SPOCK1: variants seen among roughly 807,000 people sequenced by gnomAD.
SPOCK1 encodes SPARC (osteonectin), cwcv and kazal like domains proteoglycan 1.
SPOCK1 carries 23 observed loss-of-function variants against 55.3 expected under a neutral mutation model. That is an observed-to-expected ratio of 0.42 (90% CI 0.30 to 0.59). SPOCK1 has a LOEUF of 0.59. Ranked by LOEUF, SPOCK1 falls within the 20% of genes least tolerant of loss-of-function variation. SPOCK1 has a pLI of 0.22. For synonymous variants in SPOCK1, 226 were observed against 221.0 expected (o/e 1.02, Z -0.20); for missense variants, 499 against 552.5 (o/e 0.90, Z 0.97).
intron 4 of SPOCK1, 123 bp downstream of exon 4, chr5:137,140,457 C>A (rs981972241): frequency 5.7e-6 from 4 of 705,626 alleles, no homozygotes; most frequent in Non-Finnish European, 7.0e-6. Context: ...AAACACCATA[C>A]AAATGGCGAC....
intron 3 of SPOCK1, among the ~76,000 whole-genome samples, chr5:137,250,661 A>G (rs890262727): frequency 2.0e-5 from 3 of 149,972 alleles, no homozygotes; most frequent in African/African-American, 7.6e-5. Context: ...GAGAGCCTCA[A>G]GAGGACACAC....
At chr5:137,025,904 G>T (rs1295326387) in intron 6 of SPOCK1, among the ~76,000 whole-genome samples, 2 of 152,194 alleles carry the variant, frequency 1.3e-5, no homozygotes, top group African/African-American at 4.8e-5. Flanking sequence ...GGAAGGAGAA[G>T]AAACTAGTCA....
intron 3 of SPOCK1, among the ~76,000 whole-genome samples, chr5:137,194,454 TC>T (rs1202395130): frequency 6.6e-6 from 1 of 152,134 alleles, no homozygotes; most frequent in Non-Finnish European, 1.5e-5. Flanking sequence ...CAATTCAGTT[TC>T]CTCAAAGCAG....
At chr5:137,335,461 AT>A (rs1427934855) in intron 2 of SPOCK1, among the ~76,000 whole-genome samples, 1 of 152,220 alleles carries the variant, frequency 6.6e-6, no homozygotes, top group African/African-American at 2.4e-5. Context: ...AATTTTTATC[AT>A]GAATATGCAC....
At chr5:137,005,527 C>A (rs1037882885) in intron 6 of SPOCK1, among the ~76,000 whole-genome samples, 3 of 151,956 alleles carry the variant, frequency 2.0e-5, no homozygotes, top group East Asian at 1.9e-4. Context: ...TAAAGAAAGA[C>A]AACAAAGCAG....
At chr5:137,239,253 C>T (rs1483820941) in intron 3 of SPOCK1, among the ~76,000 whole-genome samples, 1 of 152,212 alleles carries the variant, frequency 6.6e-6, no homozygotes, top group African/African-American at 2.4e-5. Flanking sequence ...GTGGTGAATG[C>T]ATCCACATGC....
chr5:137,292,421 G>A (rs1757387059), intron 2 of SPOCK1, among the ~76,000 whole-genome samples: 1 of 102,284 alleles, frequency 9.8e-6, no homozygotes, highest in Admixed American at 1.5e-4. Context: ...ATTCACTGGT[G>A]TAGTTAAAAA....
At chr5:137,036,289 A>AT (rs11306551) in intron 6 of SPOCK1, among the ~76,000 whole-genome samples, 71 of 150,196 alleles carry the variant, frequency 4.7e-4, no homozygotes, top group African/African-American at 1.4e-3. Flanking sequence ...TGCCTTGCCC[A>AT]TTTTTTTTTT....
chr5:137,293,089 ATTTTTTTTTTTTTTTTTT>A (rs531537488), intron 2 of SPOCK1, among the ~76,000 whole-genome samples: 152 of 100,828 alleles, frequency 1.5e-3, no homozygotes, highest in African/African-American at 6.0e-3. Context: ...GGTTTGTTGA[ATTTTTTTTTTTTTTTTTT>A]TTTTTTTTTT....
At position 137,485,850 on chromosome 5, in the gene SPOCK1, T is replaced by TC. The variant is rs1284480016; in HGVS notation, c.186+12522dup. ...CAAAACACACCTATGGTGTTAGAAG[T>TC]CAGTGACTGCCAGGGGCATGAGATG... On this transcript the variant is annotated intron_variant, in intron 2 of 10. Transcript: ENST00000394945. Among the ~76,000 whole-genome samples, 6 of 152,266 alleles carry TC rather than the reference T, an allele frequency of 3.9e-5. No individual in the cohort carries two copies. In the East Asian group the frequency reaches 7.7e-4, roughly 20 times the overall value.
intron 3 of SPOCK1, among the ~76,000 whole-genome samples, chr5:137,243,498 G>A (rs1047279706): frequency 3.3e-5 from 5 of 152,068 alleles, no homozygotes; most frequent in African/African-American, 1.2e-4. Context: ...TCACATATGG[G>A]TACCATCCAG....
At chr5:137,240,862 C>A (rs1268615674) in intron 3 of SPOCK1, among the ~76,000 whole-genome samples, 3 of 152,106 alleles carry the variant, frequency 2.0e-5, no homozygotes, top group African/African-American at 7.2e-5. Context: ...TGGAATGTGA[C>A]TATAAGACAA....
intron 3 of SPOCK1, among the ~76,000 whole-genome samples, chr5:137,200,743 A>G (rs1168719581): frequency 6.6e-6 from 1 of 152,028 alleles, no homozygotes; most frequent in Admixed American, 6.6e-5. Context: ...GGTTTGCTGC[A>G]CCTATTAACC....
chr5:137,412,930 T>C (rs1360054871), intron 2 of SPOCK1, among the ~76,000 whole-genome samples: 1 of 152,038 alleles, frequency 6.6e-6, no homozygotes, highest in Non-Finnish European at 1.5e-5. Flanking sequence ...ATTATCTGAC[T>C]AGATCACTAT....
chr5:137,275,951 G>A (rs575707028), intron 2 of SPOCK1, among the ~76,000 whole-genome samples: 5 of 152,216 alleles, frequency 3.3e-5, no homozygotes, highest in East Asian at 3.9e-4. Context: ...ACATGGCCAC[G>A]TGCCCTAACC....
intron 2 of SPOCK1, among the ~76,000 whole-genome samples, chr5:137,268,533 C>G (rs183951692): frequency 2.2e-3 from 341 of 152,272 alleles, no homozygotes; most frequent in African/African-American, 7.6e-3. Context: ...ATTGTGCTGT[C>G]AGAAACTCGG....
chr5:137,000,509 G>A (rs191363864), intron 6 of SPOCK1, among the ~76,000 whole-genome samples: 1 of 152,250 alleles, frequency 6.6e-6, no homozygotes, highest in East Asian at 1.9e-4. Context: ...CTCACCAACA[G>A]GGACCATGTC....
At position 136,975,507 on chromosome 5, in the gene SPOCK1, T is replaced by C. The variant is rs1288005934; in HGVS notation, c.*3147A>G. On this transcript the variant is annotated 3_prime_UTR_variant, in exon 11 of 11. Coordinates refer to ENST00000394945, the MANE Select transcript of SPOCK1 (RefSeq NM_004598.4). The stretch of plus-strand genomic sequence containing the variant: ...CACTCAGGATTTGATGGGCTCTCAT[T>C]ACAATGCTATACATTTAACAGGAAC... 2 of 152,602 alleles carry C rather than the reference T, an allele frequency of 1.3e-5. No homozygotes were observed. The highest frequency in any genetic ancestry group is 2.9e-5 in the Non-Finnish European group (2 of 68,040). The allele number at this position is 152,602 out of a possible 1,614,324, so 9.5% of individuals were successfully genotyped here. A position where few individuals can be genotyped will look rare whatever the true frequency, so the allele number is the denominator to read the frequency against.
Position 137,496,242 on chromosome 5 carries a change from C to CT in SPOCK1, c.186+2130dup, listed in dbSNP as rs552839576. Among the ~76,000 whole-genome samples the CT allele has an allele frequency of 1.4e-4, 21 of 152,244 alleles. No individual in the cohort carries two copies. The South Asian group carries it at 1.5e-3, about 11-fold the overall frequency. On this transcript the variant is annotated intron_variant, in intron 2 of 10. Transcript: ENST00000394945. ...CATGGATGCTATAATTTAACAAGCA[C>CT]TTCAGGTGAGCTTCATCCTCAGTCA...
Sources: gnomAD v4.1 joint callset for allele counts (sites outside exome capture counted in the v4.1 genomes callset) on GRCh38, gnomAD v4.1.1 for gene constraint, MANE v1.5 for transcripts, NCBI Gene and HGNC (gene_info 2026-07-23, HGNC 2026-07-21) for gene names.